Variants in CLSTN1 observed in about 807,000 individuals in gnomAD.
CLSTN1 encodes the protein calsyntenin 1.
Under a neutral mutation model 108.3 loss-of-function variants are expected in CLSTN1, and 28 were observed. That is an observed-to-expected ratio of 0.26 (90% CI 0.19 to 0.35). The LOEUF is 0.35. Among genes scored for constraint, CLSTN1 ranks in the 10% least tolerant of loss-of-function variants. The probability of loss-of-function intolerance (pLI) is 1.00; values close to 1 mark genes in which losing one functional copy is unlikely to be tolerated. For synonymous variants in CLSTN1, 524 were observed against 534.9 expected (o/e 0.98, Z 0.28); for missense variants, 1,157 against 1,302.6 (o/e 0.89, Z 1.72).
intron 10 of CLSTN1, among the ~76,000 whole-genome samples, chr1:9,738,944 G>A (rs918942020): frequency 5.9e-5 from 9 of 152,152 alleles, no homozygotes; most frequent in Non-Finnish European, 4.4e-5. Context: ...GAGCCACTGC[G>A]CACGGTCATC....
rs139369949 is a variant in CLSTN1, at chr1:9,738,833, G to A, written c.1520-1279C>T. ...CTGGCTAATTTTTGTATTTTTAGTA[G>A]AGGCAGAGTTTCACCATGTTGGCCA... On this transcript the variant is annotated intron_variant, in intron 10 of 18. Transcript: ENST00000377298. 4.4e-3 allele frequency among the ~76,000 whole-genome samples: 666 copies of A among 152,188 alleles called. 8 individuals carry two copies. Among genetic ancestry groups the A allele is most frequent in the African/African-American group, 0.015 (623 of 41,532 alleles).
intron 1 of CLSTN1, among the ~76,000 whole-genome samples, chr1:9,800,558 A>G (rs796124575): frequency 9.6e-5 from 5 of 52,196 alleles, no homozygotes; most frequent in Non-Finnish European, 1.5e-4. Context: ...TCTCCACTAG[A>G]AAAAAAAAAA....
At chr1:9,796,209 C>T (rs1171653159) in intron 1 of CLSTN1, among the ~76,000 whole-genome samples, 42 of 146,644 alleles carry the variant, frequency 2.9e-4, no homozygotes, top group Non-Finnish European at 5.9e-4. Flanking sequence ...TTGCAGTGAG[C>T]GGAGATCATG....
chr1:9,800,925 T>C (rs1185969052), intron 1 of CLSTN1, among the ~76,000 whole-genome samples: 1 of 147,934 alleles, frequency 6.8e-6, no homozygotes, highest in Non-Finnish European at 1.5e-5. Flanking sequence ...GACAACAGAG[T>C]GAGACTCAGT....
chr1:9,781,756 T>TA (rs1435165244), intron 1 of CLSTN1, among the ~76,000 whole-genome samples: 1 of 152,190 alleles, frequency 6.6e-6, no homozygotes, highest in Non-Finnish European at 1.5e-5. Flanking sequence ...TCACTTTTTT[T>TA]AACGGCTCTA....
intron 3 of CLSTN1, 69 bp from the exon 4 acceptor site, chr1:9,755,378 C>G: frequency 2.4e-6 from 3 of 1,255,022 alleles, no homozygotes; most frequent in Non-Finnish European, 3.4e-6. Flanking sequence ...CCCTCCTCCC[C>G]CCATCTCCAC....
chr1:9,764,156 G>A (rs965641097), intron 2 of CLSTN1, among the ~76,000 whole-genome samples: 1 of 151,764 alleles, frequency 6.6e-6, no homozygotes, highest in African/African-American at 2.4e-5. Context: ...GGTGGGGGAG[G>A]AGGAGGAGCA....
At chr1:9,772,914 G>A (rs1652760562) in intron 2 of CLSTN1, among the ~76,000 whole-genome samples, 1 of 152,154 alleles carries the variant, frequency 6.6e-6, no homozygotes, top group African/African-American at 2.4e-5. Context: ...CCTAGGAGCA[G>A]GTGAGAAAGG....
chr1:9,736,276 A>C (rs1272429320), intron 11 of CLSTN1, among the ~76,000 whole-genome samples: 2 of 152,162 alleles, frequency 1.3e-5, no homozygotes, highest in African/African-American at 4.8e-5. Flanking sequence ...GTCTCACCTG[A>C]AGCCAAGAGG....
chr1:9,800,557 GAAAAAAAAA>G (rs55929301), intron 1 of CLSTN1, among the ~76,000 whole-genome samples: 14 of 77,322 alleles, frequency 1.8e-4, no homozygotes, highest in South Asian at 1.8e-3. Context: ...GTCTCCACTA[GAAAAAAAAA>G]AAAAAAAAAA....
chr1:9,764,268 A>G, intron 2 of CLSTN1, among the ~76,000 whole-genome samples: 1 of 151,846 alleles, frequency 6.6e-6, no homozygotes, highest in South Asian at 2.1e-4. Flanking sequence ...GCCAGGGACA[A>G]CATTAATCTA....
intron 1 of CLSTN1, among the ~76,000 whole-genome samples, chr1:9,777,217 CAAAAA>C (rs1183664020): frequency 3.9e-5 from 2 of 51,166 alleles, no homozygotes; most frequent in African/African-American, 7.7e-5. Context: ...GAGACTGTCT[CAAAAA>C]AAAAAAAAAA....
chr1:9,750,336 T>C (rs761562604), intron 5 of CLSTN1, among the ~76,000 whole-genome samples: 3 of 152,216 alleles, frequency 2.0e-5, no homozygotes, highest in Non-Finnish European at 4.4e-5. Flanking sequence ...GCCTGCTTTT[T>C]GAACGTGGTG....
chr1:9,755,192 T>G lies in CLSTN1; in HGVS notation c.362A>C (p.Gln121Pro). 1 of 1,614,200 alleles carries G rather than the reference T, an allele frequency of 6.2e-7. No individual in the cohort carries two copies. The highest frequency in any genetic ancestry group is 8.5e-7 in the Non-Finnish European group (1 of 1,180,020). ...RSKEKLDCEL[Q>P]KDYSFTIQAY... ...CTGGATGGTGAATGAATAGTCTTTC[T>G]GCAGCTCACAGTCCAGTTTCTCTTT... Residue 121 changes from glutamine (Q) to proline (P), a missense_variant, in exon 4 of 19, where the codon CAG becomes CCG. Gln to Pro is a moderately conservative substitution (Grantham distance 76). Transcript: ENST00000377298.
intron 9 of CLSTN1, among the ~76,000 whole-genome samples, chr1:9,742,381 T>G (rs906820184): frequency 3.3e-5 from 5 of 152,082 alleles, no homozygotes; most frequent in African/African-American, 1.2e-4. Context: ...TGAATAGGGG[T>G]AACAATGAAA....
At position 9,729,003 on chromosome 1, in the gene CLSTN1, G is replaced by A. The variant is rs1362179412; in HGVS notation, c.*1505C>T. 1 of 152,206 alleles carries A rather than the reference G, an allele frequency of 6.6e-6. No homozygotes were observed. The highest frequency in any genetic ancestry group is 2.1e-4 in the South Asian group (1 of 4,832). 9.4% of individuals were successfully genotyped at this position (152,206 alleles called of 1,614,324 possible). A position where few individuals can be genotyped will look rare whatever the true frequency, so the allele number is the denominator to read the frequency against. The stretch of plus-strand genomic sequence containing the variant: ...GGTTTAAAACCAAAACAGGAGAGAA[G>A]ACAAACCCCGCTCCGGCTGGAGTTA... On this transcript the variant is annotated 3_prime_UTR_variant, in exon 19 of 19. Transcript: ENST00000377298.
In CLSTN1 at chr1:9,734,985, T is replaced by A; in HGVS notation, c.2073A>T (p.Glu691Asp). ...CAGCCCCGTCCCCTTCAGGCTCCAC[T>A]TCTCTCGTGATGGTGCTGATGATGC... Reference protein sequence around the residue: ...ELRIISTITREVEPEGDGAED... With the variant: ...ELRIISTITRDVEPEGDGAED... Residue 691 changes from glutamate (E) to aspartate (D), a missense_variant, in exon 14 of 19, where the codon GAA (glutamate) becomes GAT (aspartate). Coordinates refer to ENST00000377298, the MANE Select transcript of CLSTN1 (RefSeq NM_001009566.3). This position sits in a 1 kb window ranked among gnomAD's most constrained non-coding sequence, Gnocchi z 4.8. 1 of 1,614,192 alleles carries A rather than the reference T, an allele frequency of 6.2e-7. No individual in the cohort carries two copies. The highest frequency in any genetic ancestry group is 1.1e-5 in the South Asian group (1 of 91,084).
chr1:9,773,214 C>G, intron 2 of CLSTN1, 58 bp downstream of exon 2: 1 of 1,608,086 alleles, frequency 6.2e-7, no homozygotes, highest in Non-Finnish European at 8.5e-7. Flanking sequence ...ATGGGATGTG[C>G]AGAATGCTTC....
chr1:9,741,205 C>T lies in CLSTN1; in HGVS notation c.1408G>A (p.Val470Met), dbSNP rs761212513. 6 of 1,613,966 alleles carry T rather than the reference C, an allele frequency of 3.7e-6. No homozygotes were observed. In the African/African-American group the frequency reaches 8.0e-5, roughly 22 times the overall value. The part of the protein sequence containing the change: ...HYVLNVEFPS[V>M]TLYVDGTSHE... ...GACGTGCCATCCACATAGAGAGTCACACTCGGGAATTCTACATTGAGGACG... is the reference window on the plus strand; with the variant it reads ...GACGTGCCATCCACATAGAGAGTCATACTCGGGAATTCTACATTGAGGACG... The change falls in exon 10 of 19, where the codon GTG (valine) becomes ATG (methionine). Residue 470 changes from valine to methionine, a missense_variant. Val to Met is a conservative substitution (Grantham distance 21, BLOSUM62 1). Transcript: ENST00000377298.
Sources: gnomAD v4.1 joint callset for allele counts (sites outside exome capture counted in the v4.1 genomes callset) on GRCh38, gnomAD v4.1.1 for gene constraint, Gnocchi (gnomAD v3.1) non-coding constraint, MANE v1.5 for transcripts, NCBI Gene and HGNC (gene_info 2026-07-23, HGNC 2026-07-21) for gene names.